The following NEK5 variants were observed in gnomAD, a reference collection of about 807,000 sequenced individuals.
The protein encoded by NEK5 is NIMA related kinase 5.
Under a neutral mutation model 109.2 loss-of-function variants are expected in NEK5, and 88 were observed. That is an observed-to-expected ratio of 0.81 (90% CI 0.68 to 0.96). The LOEUF is 0.96. Ranked by LOEUF, NEK5 falls within the 40% of genes least tolerant of loss-of-function variation. The probability of loss-of-function intolerance (pLI) is 0.00; values close to 1 mark genes in which losing one functional copy is unlikely to be tolerated. For missense variants in NEK5, 834 were observed against 920.7 expected, an observed-to-expected ratio of 0.91 and a Z score of 1.22; for synonymous variants, 283 against 299.9, an observed-to-expected ratio of 0.94 and a Z score of 0.58.
chr13:52,124,769 A>G (rs1295234738), intron 3 of NEK5, among the ~76,000 whole-genome samples: 2 of 152,176 alleles, frequency 1.3e-5, no homozygotes, highest in Non-Finnish European at 2.9e-5. Flanking sequence ...TTGTTTTGAC[A>G]TACAAACGTT....
At chr13:52,090,796 C>T (rs1283363256) in intron 13 of NEK5, among the ~76,000 whole-genome samples, 1 of 152,052 alleles carries the variant, frequency 6.6e-6, no homozygotes. Context: ...GAGGCCAAGG[C>T]GGGTGGATCA....
In NEK5 at chr13:52,046,047, GGCAACAGA is replaced by G. The variant is rs568917603; in HGVS notation, c.2228+4049_2228+4056del. On this transcript the variant is annotated intron_variant, in intron 23 of 23. Coordinates refer to ENST00000684899, the MANE Select transcript of NEK5 (RefSeq NM_001365552.1). ...GATCATGCCACTACACTCCAGTCTG[GGCAACAGA>G]GCGAGACTCCATCTCAAAAAAAAAA... 3.7e-3 allele frequency among the ~76,000 whole-genome samples: 538 copies of G among 147,220 alleles called. 2 individuals are homozygous for G. Among genetic ancestry groups the G allele is most frequent in the African/African-American group, 0.012 (486 of 39,866 alleles).
At chr13:52,086,565 C>A (rs1180421533) in intron 15 of NEK5, among the ~76,000 whole-genome samples, 1 of 152,196 alleles carries the variant, frequency 6.6e-6, no homozygotes, top group Non-Finnish European at 1.5e-5. Flanking sequence ...CTACAGAGCT[C>A]AATTTTATAT....
At chr13:52,058,761 T>C (rs1954585084) in intron 22 of NEK5, among the ~76,000 whole-genome samples, 1 of 152,196 alleles carries the variant, frequency 6.6e-6, no homozygotes, top group Non-Finnish European at 1.5e-5. Context: ...TGTAGAAAGC[T>C]GAAACTGGAT....
chr13:52,042,875 AG>A (rs1471713974), intron 23 of NEK5, among the ~76,000 whole-genome samples: 1 of 152,072 alleles, frequency 6.6e-6, no homozygotes, highest in African/African-American at 2.4e-5. Flanking sequence ...AGGGTAAAAA[AG>A]AAATAAGAAA....
intron 4 of NEK5, among the ~76,000 whole-genome samples, chr13:52,114,984 A>G (rs1421330386): frequency 6.6e-6 from 1 of 151,902 alleles, no homozygotes; most frequent in Non-Finnish European, 1.5e-5. Context: ...GGTGAAAGAA[A>G]CTGACTAAAA....
intron 22 of NEK5, among the ~76,000 whole-genome samples, chr13:52,055,821 C>T (rs9568694): frequency 0.062 from 9,432 of 152,030 alleles, 408 homozygotes; most frequent in East Asian, 0.25. Context: ...AAGGAACAAC[C>T]GGTACCAGCC....
intron 3 of NEK5, among the ~76,000 whole-genome samples, chr13:52,119,956 A>G (rs928477138): frequency 6.6e-6 from 1 of 152,164 alleles, no homozygotes; most frequent in Non-Finnish European, 1.5e-5. Context: ...ACCTATAGAC[A>G]ATACTTGCCA....
chr13:52,058,540 T>A (rs1954583097), intron 22 of NEK5, among the ~76,000 whole-genome samples: 1 of 152,020 alleles, frequency 6.6e-6, no homozygotes, highest in Admixed American at 6.6e-5. Context: ...TCACACTACC[T>A]GACTTCAAAC....
intron 17 of NEK5, among the ~76,000 whole-genome samples, chr13:52,078,455 C>G (rs1168062978): frequency 6.6e-6 from 1 of 152,158 alleles, no homozygotes; most frequent in Non-Finnish European, 1.5e-5. Flanking sequence ...AAGGGCGCAA[C>G]AAACTTTTGC....
At chr13:52,112,169 T>C in intron 5 of NEK5, 99 bp downstream of exon 5, 1 of 556,470 alleles carries the variant, frequency 1.8e-6, no homozygotes, top group Non-Finnish European at 3.2e-6. Flanking sequence ...CCAAAACACA[T>C]GCTTTATATC....
chr13:52,118,724 T>C (rs150940322), intron 4 of NEK5, among the ~76,000 whole-genome samples: 1 of 152,252 alleles, frequency 6.6e-6, no homozygotes, highest in Admixed American at 6.5e-5. Flanking sequence ...TAGGCTATGG[T>C]GCGTGGCTGT....
intron 20 of NEK5, among the ~76,000 whole-genome samples, chr13:52,067,676 A>AT (rs33986940): frequency 0.046 from 5,501 of 120,146 alleles, 283 homozygotes; most frequent in Admixed American, 0.11. Context: ...ACACCACGTC[A>AT]TTTTTTTTTT....
chr13:52,047,315 G>A (rs1410819440), intron 23 of NEK5, among the ~76,000 whole-genome samples: 2 of 152,004 alleles, frequency 1.3e-5, no homozygotes, highest in African/African-American at 2.4e-5. Context: ...GCAAATTATA[G>A]GACAGTGCAC....
chr13:52,040,742 T>G (rs2140882143), intron 23 of NEK5, among the ~76,000 whole-genome samples: 1 of 152,252 alleles, frequency 6.6e-6, no homozygotes, highest in South Asian at 2.1e-4. Context: ...AATCCAACAT[T>G]TATCCCTCCA....
chr13:52,064,087 C>T (rs1437715459), intron 21 of NEK5, among the ~76,000 whole-genome samples: 26 of 134,302 alleles, frequency 1.9e-4, no homozygotes, highest in Admixed American at 9.5e-4. Flanking sequence ...CCACCCCATC[C>T]GGGAGGTGAG....
chr13:52,045,621 C>T (rs1412698885), intron 23 of NEK5, among the ~76,000 whole-genome samples: 1 of 146,184 alleles, frequency 6.8e-6, no homozygotes, highest in African/African-American at 2.5e-5. Context: ...AAAAATTAGC[C>T]GGGCGTGGTG....
chr13:52,121,630 CTCTT>C (rs1299987007), intron 3 of NEK5, among the ~76,000 whole-genome samples: 1 of 152,150 alleles, frequency 6.6e-6, no homozygotes, highest in African/African-American at 2.4e-5. Context: ...TGAAACTTCC[CTCTT>C]TCTTTCTCAT....
intron 17 of NEK5, among the ~76,000 whole-genome samples, chr13:52,079,754 G>T (rs1161787731): frequency 9.3e-5 from 14 of 151,092 alleles, no homozygotes; most frequent in Non-Finnish European, 7.4e-5. Context: ...TCTCTGCCCG[G>T]CCGCCCATCG....
Sources: allele counts gnomAD v4.1 joint callset (sites outside exome capture counted in the v4.1 genomes callset), GRCh38; gene constraint gnomAD v4.1.1; transcripts MANE v1.5; gene names NCBI Gene and HGNC (gene_info 2026-07-23, HGNC 2026-07-21).